The following DOCK9 variants were observed in gnomAD, a reference collection of about 807,000 sequenced individuals.
DOCK9 encodes the protein dedicator of cytokinesis 9.
A neutral mutation model predicts 263.3 loss-of-function variants in DOCK9; 89 were observed. The ratio of observed to expected loss-of-function variants is 0.34; its 90% CI spans 0.28 to 0.40. The LOEUF (loss-of-function observed/expected upper bound fraction) is 0.40, where lower values mean the gene tolerates loss of function less well. DOCK9 is among the 10% of genes least tolerant of loss of function. DOCK9 has a pLI of 1.00. For synonymous variants in DOCK9, 976 were observed against 973.1 expected, an observed-to-expected ratio of 1.00 and a Z score of -0.06; for missense variants, 2,140 against 2,603.4, an observed-to-expected ratio of 0.82 and a Z score of 3.87.
At chr13:98,884,683 G>T (rs2045400833) in intron 21 of DOCK9, among the ~76,000 whole-genome samples, 1 of 152,130 alleles carries the variant, frequency 6.6e-6, no homozygotes, top group African/African-American at 2.4e-5. Context: ...TTTGAGCATG[G>T]CCAGTCGGCA....
intron 1 of DOCK9, among the ~76,000 whole-genome samples, chr13:99,033,669 G>A (rs1269478466): frequency 1.3e-5 from 2 of 152,152 alleles, no homozygotes; most frequent in East Asian, 3.8e-4. Context: ...CTCACCTATT[G>A]CAACAGTGAT....
chr13:99,043,305 C>T (rs1365629450), intron 1 of DOCK9, among the ~76,000 whole-genome samples: 2 of 152,244 alleles, frequency 1.3e-5, no homozygotes, highest in African/African-American at 4.8e-5. Flanking sequence ...AGAAATCAAA[C>T]TTCTCTTCCA....
chr13:98,797,051 G>C (rs1193153748), intron 52 of DOCK9, 64 bp downstream of exon 52: 19 of 1,586,580 alleles, frequency 1.2e-5, no homozygotes, highest in Non-Finnish European at 1.6e-5. Context: ...CCTAAGTCAT[G>C]ATAGGGTGTA....
intron 2 of DOCK9, among the ~76,000 whole-genome samples, chr13:98,932,724 G>A (rs2054165337): frequency 6.6e-6 from 1 of 152,118 alleles, no homozygotes. Context: ...TTCTTGCACT[G>A]TGTCTATCTT....
chr13:98,944,561 G>A (rs1443205570), intron 2 of DOCK9, among the ~76,000 whole-genome samples: 1 of 152,184 alleles, frequency 6.6e-6, no homozygotes, highest in Non-Finnish European at 1.5e-5. Context: ...CCATTACACT[G>A]TGTTCCATGT....
intron 2 of DOCK9, among the ~76,000 whole-genome samples, chr13:98,938,089 G>A (rs2140453838): frequency 6.6e-6 from 1 of 152,262 alleles, no homozygotes; most frequent in East Asian, 1.9e-4. Context: ...CTCTCCTAAC[G>A]ACATTCCTGA....
rs769965715 is a variant in DOCK9, at chr13:98,914,281, A to G, written c.960+47T>C. Reference sequence around the variant, plus strand: ...TGGACAAACCAGTGAAATGAGACATACTTCAACAGCATTCAACGAAGAGCA... The same window carrying G: ...TGGACAAACCAGTGAAATGAGACATGCTTCAACAGCATTCAACGAAGAGCA... On this transcript the variant is annotated intron_variant, in intron 9 of 52. Coordinates refer to ENST00000682017, the MANE Select transcript of DOCK9 (RefSeq NM_001366683.2). The G allele has an allele frequency of 2.0e-6, 3 of 1,490,382 alleles. No homozygotes were observed. In the African/African-American group the frequency reaches 4.1e-5, roughly 21 times the overall value. 92.3% of individuals were successfully genotyped at this position (1,490,382 alleles called of 1,614,324 possible).
intron 1 of DOCK9, among the ~76,000 whole-genome samples, chr13:98,977,179 T>C (rs1875008172): frequency 6.6e-6 from 1 of 152,318 alleles, no homozygotes; most frequent in East Asian, 1.9e-4. Flanking sequence ...ACCAAAGCAC[T>C]TGGCTTTAGA....
At chr13:98,975,248 G>A (rs568064381) in intron 1 of DOCK9, among the ~76,000 whole-genome samples, 6 of 151,910 alleles carry the variant, frequency 3.9e-5, no homozygotes, top group East Asian at 3.9e-4. Flanking sequence ...GCATGGTGGC[G>A]GGCACCTATA....
At chr13:98,913,184 G>C (rs1273174644) in intron 9 of DOCK9, among the ~76,000 whole-genome samples, 1 of 152,192 alleles carries the variant, frequency 6.6e-6, no homozygotes, top group Admixed American at 6.5e-5. Context: ...GGTCAATGCT[G>C]AATGCTGGTC....
At chr13:98,923,826 G>A (rs998588477) in intron 4 of DOCK9, among the ~76,000 whole-genome samples, 7 of 152,140 alleles carry the variant, frequency 4.6e-5, no homozygotes, top group Admixed American at 6.5e-5. Context: ...TAGGCCCTGC[G>A]CACTTCTCAT....
intron 44 of DOCK9, chr13:98,826,109 T>C: frequency 2.2e-6 from 1 of 461,338 alleles, no homozygotes; most frequent in Non-Finnish European, 3.8e-6. Flanking sequence ...GCATCTTTGG[T>C]TTCACACTAT....
intron 1 of DOCK9, among the ~76,000 whole-genome samples, chr13:99,046,904 G>T (rs547938527): frequency 1.5e-4 from 23 of 152,324 alleles, no homozygotes; most frequent in African/African-American, 5.3e-4. Flanking sequence ...TCCTGTTTAG[G>T]TTATGCTCCA....
At chr13:99,065,203 C>G (rs117579089) in intron 1 of DOCK9, among the ~76,000 whole-genome samples, 7 of 152,146 alleles carry the variant, frequency 4.6e-5, no homozygotes, top group African/African-American at 1.4e-4. Flanking sequence ...AATAAATGTC[C>G]TAATCTAATC....
At chr13:98,839,942 C>G (rs2093149105) in intron 38 of DOCK9, among the ~76,000 whole-genome samples, 2 of 152,192 alleles carry the variant, frequency 1.3e-5, no homozygotes. Flanking sequence ...AGAAATGGTC[C>G]TTTTAGCCAC....
intron 2 of DOCK9, among the ~76,000 whole-genome samples, chr13:98,930,967 A>C (rs900286978): frequency 6.6e-6 from 1 of 152,106 alleles, no homozygotes; most frequent in African/African-American, 2.4e-5. Flanking sequence ...TTAAGTATAC[A>C]GTTCAGTGGC....
At chr13:99,018,381 C>T (rs900817529) in intron 1 of DOCK9, among the ~76,000 whole-genome samples, 1 of 152,228 alleles carries the variant, frequency 6.6e-6, no homozygotes, top group African/African-American at 2.4e-5. Context: ...TATGAAGACC[C>T]TTACCAGCTG....
In DOCK9 at chr13:99,056,536, A is replaced by G. The variant is rs1271675186; in HGVS notation, c.129+29687T>C. Among the ~76,000 whole-genome samples, 3 of 152,316 alleles carry G rather than the reference A, an allele frequency of 2.0e-5. No homozygotes were observed. The East Asian group carries it at 5.8e-4, about 29-fold the overall frequency. On this transcript the variant is annotated intron_variant, in intron 1 of 32. Transcript: ENST00000427887. ...ACTAGGTGTGGCCCAGACTTGGCTA[A>G]AAAACCAGCTCCCAGTCACCCAGAG... is the stretch of plus-strand genomic sequence containing the variant.
intron 2 of DOCK9, among the ~76,000 whole-genome samples, chr13:98,932,064 T>G (rs1188607255): frequency 6.6e-6 from 1 of 152,164 alleles, no homozygotes; most frequent in African/African-American, 2.4e-5. Flanking sequence ...TCTAGTTTTT[T>G]TCTCCTATGG....
Sources: allele counts gnomAD v4.1 joint callset (sites outside exome capture counted in the v4.1 genomes callset), GRCh38; gene constraint gnomAD v4.1.1; transcripts MANE v1.5; gene names NCBI Gene and HGNC (gene_info 2026-07-23, HGNC 2026-07-21).